EPHA5: variants seen among roughly 807,000 people sequenced by gnomAD.
EPHA5 encodes the protein ephrin type-A receptor 5.
In EPHA5, 60 loss-of-function variants were observed where a neutral mutation model predicts 105.0. The ratio of observed to expected loss-of-function variants is 0.57; its 90% CI spans 0.46 to 0.71. EPHA5 has a LOEUF of 0.71. EPHA5 is among the 30% of genes least tolerant of loss of function. EPHA5 has a pLI of 0.00. For missense variants in EPHA5, 1,218 were observed against 1,274.7 expected, an observed-to-expected ratio of 0.96 and a Z score of 0.68; for synonymous variants, 513 against 449.1, an observed-to-expected ratio of 1.14 and a Z score of -1.80.
intron 14 of EPHA5, 127 bp downstream of exon 14, chr4:65,347,927 C>A: frequency 1.0e-6 from 1 of 990,566 alleles, no homozygotes; most frequent in South Asian, 1.7e-5. Context: ...CAAAACAGAT[C>A]AGAGGGTAAG....
chr4:65,647,107 T>C (rs1360496374), intron 1 of EPHA5, among the ~76,000 whole-genome samples: 2 of 151,790 alleles, frequency 1.3e-5, no homozygotes, highest in African/African-American at 4.8e-5. Flanking sequence ...GGCGGGTGGA[T>C]CATGAGGTTA....
chr4:65,573,970 G>A, intron 3 of EPHA5: 1 of 1,585,638 alleles, frequency 6.3e-7, no homozygotes, highest in East Asian at 2.2e-5. Context: ...CAGCTGGCTA[G>A]TGGCTTATTA....
At chr4:65,424,615 C>T (rs988014897) in intron 5 of EPHA5, among the ~76,000 whole-genome samples, 1 of 151,966 alleles carries the variant, frequency 6.6e-6, no homozygotes, top group South Asian at 2.1e-4. Context: ...GAATTTTCCA[C>T]AATTCTTTAA....
At chr4:65,378,466 A>C (rs1719222861) in intron 8 of EPHA5, among the ~76,000 whole-genome samples, 3 of 152,000 alleles carry the variant, frequency 2.0e-5, no homozygotes, top group Admixed American at 6.6e-5. Context: ...CAATTACTAA[A>C]ATTTTATATA....
chr4:65,335,918 A>G lies in EPHA5; in HGVS notation c.2789+14T>C, dbSNP rs190246776. On this transcript the variant is annotated intron_variant, in intron 15 of 16. Transcript: ENST00000613740. Reference sequence around the variant, plus strand: ...AGCTACATTCTGGAAAATCACTCGGATCTGGCCTTGTACCTGCAGGATGCA... The same window carrying G: ...AGCTACATTCTGGAAAATCACTCGGGTCTGGCCTTGTACCTGCAGGATGCA... 1.5e-5 allele frequency: 24 copies of G among 1,594,208 alleles called. No homozygotes were observed. The African/African-American group carries it at 3.1e-4, about 21-fold the overall frequency.
In EPHA5 at chr4:65,331,365, A is replaced by C. The variant is rs903226145; in HGVS notation, c.2945+608T>G. The stretch of plus-strand genomic sequence containing the variant: ...GATTTTTATTTAATAAGGTTTGATA[A>C]ATTTTATCTTAAACGTGCAAACAGA... On this transcript the variant is annotated intron_variant, in intron 16 of 16. Coordinates refer to ENST00000613740, the MANE Select transcript of EPHA5 (RefSeq NM_001281766.3). The C allele has an allele frequency of 3.8e-6, 4 of 1,040,650 alleles. No homozygotes were observed. In the African/African-American group the frequency reaches 6.7e-5, roughly 17 times the overall value. The allele number at this position is 1,040,650 out of a possible 1,614,324, so 64.5% of individuals were successfully genotyped here.
At chr4:65,493,402 A>T (rs1001116775) in intron 4 of EPHA5, among the ~76,000 whole-genome samples, 1 of 151,994 alleles carries the variant, frequency 6.6e-6, no homozygotes, top group African/African-American at 2.4e-5. Flanking sequence ...CTAGAAAAAA[A>T]ATTTGAAGTT....
At chr4:65,357,196 T>C (rs1476321847) in intron 11 of EPHA5, among the ~76,000 whole-genome samples, 1 of 151,430 alleles carries the variant, frequency 6.6e-6, no homozygotes. Context: ...ATTTATATTA[T>C]AATTCTATAA....
chr4:65,468,497 A>G (rs116212560), intron 5 of EPHA5, among the ~76,000 whole-genome samples: 21,991 of 141,674 alleles, frequency 0.16, 2,285 homozygotes, highest in East Asian at 0.4. Context: ...GTATGTATAC[A>G]CACACACACA....
chr4:65,455,893 C>A (rs925379841), intron 5 of EPHA5, among the ~76,000 whole-genome samples: 1 of 152,054 alleles, frequency 6.6e-6, no homozygotes, highest in African/African-American at 2.4e-5. Context: ...AACATTATGC[C>A]CATAGTAAGA....
At chr4:65,372,950 CA>C (rs1174775196) in intron 8 of EPHA5, among the ~76,000 whole-genome samples, 1 of 151,750 alleles carries the variant, frequency 6.6e-6, no homozygotes, top group African/African-American at 2.4e-5. Flanking sequence ...TCAAAATATG[CA>C]AAGATAAATT....
At chr4:65,399,077 G>A (rs1721545994) in intron 8 of EPHA5, among the ~76,000 whole-genome samples, 1 of 152,168 alleles carries the variant, frequency 6.6e-6, no homozygotes, top group African/African-American at 2.4e-5. Context: ...GGGGAGCCCA[G>A]ACCTATGGGT....
At chr4:65,490,289 C>G in intron 5 of EPHA5, 88 bp downstream of exon 5, 1 of 1,305,172 alleles carries the variant, frequency 7.7e-7, no homozygotes, top group Non-Finnish European at 1.1e-6. Flanking sequence ...AATTCTCACA[C>G]AGATTTCAGT....
chr4:65,454,613 T>TA (rs1377339669), intron 5 of EPHA5, among the ~76,000 whole-genome samples: 29 of 152,168 alleles, frequency 1.9e-4, no homozygotes, highest in Non-Finnish European at 2.1e-4. Context: ...TCCTGACACT[T>TA]AGAGTTTTTT....
intron 3 of EPHA5, among the ~76,000 whole-genome samples, chr4:65,517,520 A>T (rs1295346707): frequency 6.6e-6 from 1 of 151,852 alleles, no homozygotes. Context: ...TTATCATGTA[A>T]TGTAATTATT....
chr4:65,633,559 A>T (rs1560799777), intron 2 of EPHA5, among the ~76,000 whole-genome samples: 1 of 151,420 alleles, frequency 6.6e-6, no homozygotes, highest in Non-Finnish European at 1.5e-5. Context: ...ATGTCAGGAG[A>T]TTTTTTTTTC....
chr4:65,591,612 T>A (rs7698360), intron 3 of EPHA5, among the ~76,000 whole-genome samples: 13 of 139,932 alleles, frequency 9.3e-5, no homozygotes, highest in African/African-American at 3.9e-4. Context: ...TTATTTTTTT[T>A]AAAAAAAAAG....
chr4:65,633,571 A>G (rs1746843013), intron 2 of EPHA5, among the ~76,000 whole-genome samples: 1 of 151,942 alleles, frequency 6.6e-6, no homozygotes, highest in South Asian at 2.1e-4. Context: ...TTTTTTTTCA[A>G]AAGAAAAATA....
chr4:65,599,906 A>G (rs1232830365), intron 3 of EPHA5, among the ~76,000 whole-genome samples: 1 of 152,116 alleles, frequency 6.6e-6, no homozygotes, highest in East Asian at 1.9e-4. Context: ...GAATGTTTTA[A>G]TCTCATCGAC....
Sources: allele counts gnomAD v4.1 joint callset (sites outside exome capture counted in the v4.1 genomes callset), GRCh38; gene constraint gnomAD v4.1.1; transcripts MANE v1.5; gene names NCBI Gene and HGNC (gene_info 2026-07-23, HGNC 2026-07-21).